Variants in FNDC3A observed in about 807,000 individuals in gnomAD.
FNDC3A encodes fibronectin type-III domain-containing protein 3A.
FNDC3A carries 32 observed loss-of-function variants against 148.9 expected under a neutral mutation model. The observed-to-expected ratio is 0.21, with a 90% CI of 0.16 to 0.29. The LOEUF is 0.29. Ranked by LOEUF, FNDC3A falls within the 10% of genes least tolerant of loss-of-function variation. The probability of loss-of-function intolerance (pLI) is 1.00; values close to 1 mark genes in which losing one functional copy is unlikely to be tolerated. For missense variants in FNDC3A, 1,191 were observed against 1,452.8 expected (o/e 0.82, Z 2.93); for synonymous variants, 472 against 473.6 (o/e 1.00, Z 0.04).
intron 4 of FNDC3A, among the ~76,000 whole-genome samples, chr13:49,128,271 T>C (rs147420227): frequency 9.8e-4 from 150 of 152,334 alleles, no homozygotes; most frequent in African/African-American, 3.4e-3. Context: ...CTTGCCTAGA[T>C]TACTACAGTA....
chr13:49,046,008 C>A, intron 2 of FNDC3A: 1 of 172,218 alleles, frequency 5.8e-6, no homozygotes, highest in Non-Finnish European at 1.2e-5. Flanking sequence ...AGGGTTGAAG[C>A]TAATATTTGA....
At position 49,021,114 on chromosome 13, in the gene FNDC3A, A is replaced by G. The variant is rs75931849; in HGVS notation, c.99+14825A>G. ...ATATAACACCCTAGTGAGTAGGCCT[A>G]TGTAACTGGTATTAAAATGATTAAT... is the stretch of plus-strand genomic sequence containing the variant. On this transcript the variant is annotated intron_variant, in intron 2 of 25. Transcript: ENST00000492622. Among the ~76,000 whole-genome samples, 419 of 152,340 alleles carry G rather than the reference A, an allele frequency of 2.8e-3. 16 individuals are homozygous for G. The East Asian group carries it at 0.07, about 25-fold the overall frequency.
intron 3 of FNDC3A, among the ~76,000 whole-genome samples, chr13:49,111,715 A>G (rs1431045977): frequency 6.6e-6 from 1 of 150,590 alleles, no homozygotes; most frequent in African/African-American, 2.5e-5. Flanking sequence ...AACAGAGTAA[A>G]ACTCCGTCTC....
chr13:48,979,945 G>C (rs1419582808), intron 1 of FNDC3A, among the ~76,000 whole-genome samples: 1 of 152,082 alleles, frequency 6.6e-6, no homozygotes, highest in Non-Finnish European at 1.5e-5. Flanking sequence ...CTGACTGCTA[G>C]GTAATAATTG....
chr13:49,173,320 T>C (rs1884860288), intron 11 of FNDC3A, among the ~76,000 whole-genome samples: 1 of 152,176 alleles, frequency 6.6e-6, no homozygotes, highest in Non-Finnish European at 1.5e-5. Context: ...TCTAAGATAA[T>C]TTAGAATTAG....
Position 49,186,116 on chromosome 13 carries a change from C to G in FNDC3A, c.1756+14C>G. ...AAATAACCTGGGGTAAGATATTATG[C>G]ATGTTTATACATTATTACTTTTGCG... On this transcript the variant is annotated intron_variant, in intron 15 of 25. Transcript: ENST00000492622. The G allele has an allele frequency of 6.4e-7, 1 of 1,562,860 alleles. No individual in the cohort carries two copies. The highest frequency in any genetic ancestry group is 8.7e-7 in the Non-Finnish European group (1 of 1,143,066).
At chr13:49,167,432 C>T in intron 9 of FNDC3A, 129 bp downstream of exon 9, 1 of 598,210 alleles carries the variant, frequency 1.7e-6, no homozygotes, top group Non-Finnish European at 2.8e-6. Context: ...ACTTTGTGGG[C>T]TGGGCGCAGT....
Position 49,207,328 on chromosome 13 carries a change from T to G in FNDC3A, c.3530T>G (p.Ile1177Ser). ...AGTGACGAGCAGTGTGCTGCCGTCATCCTTGTGCTGTTTGCTTTCTTTTCC... is the reference window on the plus strand; with the variant it reads ...AGTGACGAGCAGTGTGCTGCCGTCAGCCTTGTGCTGTTTGCTTTCTTTTCC... Reference protein sequence around the residue: ...ALSDEQCAAVILVLFAFFSIL... With the variant: ...ALSDEQCAAVSLVLFAFFSIL... The change falls in exon 26 of 26, where the codon ATC (isoleucine) becomes AGC (serine). Residue 1177 changes from isoleucine to serine, a missense_variant. Physicochemically the swap from Ile to Ser is moderately radical, Grantham distance 142. Transcript: ENST00000492622. 6.2e-7 allele frequency: 1 copy of G among 1,613,956 alleles called. No individual in the cohort carries two copies. The highest frequency in any genetic ancestry group is 8.5e-7 in the Non-Finnish European group (1 of 1,179,766).
At chr13:49,105,422 A>G (rs1394724280) in intron 3 of FNDC3A, among the ~76,000 whole-genome samples, 1 of 152,230 alleles carries the variant, frequency 6.6e-6, no homozygotes, top group African/African-American at 2.4e-5. Flanking sequence ...GCTTCTCTCT[A>G]AGAGATAGCA....
intron 4 of FNDC3A, among the ~76,000 whole-genome samples, chr13:49,125,859 G>GA (rs898589262): frequency 1.6e-4 from 24 of 150,678 alleles, no homozygotes; most frequent in African/African-American, 3.9e-4. Flanking sequence ...AATAAAGGAA[G>GA]AAAAAAAAAC....
chr13:49,045,811 G>C (rs1472095458), intron 2 of FNDC3A: 4 of 232,606 alleles, frequency 1.7e-5, no homozygotes, highest in Non-Finnish European at 2.9e-5. Context: ...TTTTTTTTTC[G>C]TTGTCAAATA....
At chr13:49,154,474 A>T (rs1175066980) in intron 8 of FNDC3A, among the ~76,000 whole-genome samples, 1 of 147,440 alleles carries the variant, frequency 6.8e-6, no homozygotes, top group African/African-American at 2.5e-5. Context: ...AACAGGGACA[A>T]TTTGACTTCC....
intron 3 of FNDC3A, among the ~76,000 whole-genome samples, chr13:49,079,086 A>G (rs758991616): frequency 6.6e-6 from 1 of 152,258 alleles, no homozygotes; most frequent in Non-Finnish European, 1.5e-5. Flanking sequence ...AGAGAACTTT[A>G]GACATCTAAA....
At chr13:49,112,496 T>C (rs1468399602) in intron 3 of FNDC3A, among the ~76,000 whole-genome samples, 3 of 152,216 alleles carry the variant, frequency 2.0e-5, no homozygotes, top group Admixed American at 6.5e-5. Context: ...TTGCTTAAAC[T>C]TAAGAAAATT....
At chr13:49,195,790 G>A (rs1886117792) in intron 19 of FNDC3A, among the ~76,000 whole-genome samples, 1 of 152,140 alleles carries the variant, frequency 6.6e-6, no homozygotes, top group Admixed American at 6.5e-5. Flanking sequence ...GCTGGGCCCA[G>A]TGGCTCATGC....
chr13:49,187,019 T>G (rs941814425), intron 15 of FNDC3A, 103 bp from the exon 16 acceptor site: 17 of 687,916 alleles, frequency 2.5e-5, no homozygotes, highest in South Asian at 4.6e-5. Flanking sequence ...TGCAGGTGAT[T>G]TTTTTTTTTT....
intron 3 of FNDC3A, among the ~76,000 whole-genome samples, chr13:49,083,120 A>G (rs1177372703): frequency 6.6e-6 from 1 of 152,182 alleles, no homozygotes; most frequent in African/African-American, 2.4e-5. Flanking sequence ...CCCCTCCTCC[A>G]CTAAGAACTC....
At chr13:49,011,422 T>A (rs1279517390) in intron 2 of FNDC3A, among the ~76,000 whole-genome samples, 3 of 151,990 alleles carry the variant, frequency 2.0e-5, no homozygotes, top group Non-Finnish European at 4.4e-5. Flanking sequence ...TTAGTAGAGA[T>A]GGGGTTTTGC....
intron 7 of FNDC3A, among the ~76,000 whole-genome samples, chr13:49,140,909 T>C (rs961791178): frequency 3.3e-5 from 5 of 152,152 alleles, no homozygotes; most frequent in Non-Finnish European, 7.3e-5. Context: ...TGTACTGACA[T>C]TTGAAGGAAA....
Sources: allele counts gnomAD v4.1 joint callset (sites outside exome capture counted in the v4.1 genomes callset), GRCh38; gene constraint gnomAD v4.1.1; transcripts MANE v1.5; gene names NCBI Gene and HGNC (gene_info 2026-07-23, HGNC 2026-07-21).